The following RIMS4 variants were observed in gnomAD, a reference collection of about 807,000 sequenced individuals.
RIMS4 encodes regulating synaptic membrane exocytosis protein 4.
In RIMS4, 9 loss-of-function variants were observed where a neutral mutation model predicts 29.0. That is an observed-to-expected ratio of 0.31 (90% CI 0.19 to 0.54). The LOEUF (loss-of-function observed/expected upper bound fraction) is 0.54. RIMS4 is among the 20% of genes least tolerant of loss of function. The pLI is 0.94. For missense variants in RIMS4, 193 were observed against 365.7 expected (o/e 0.53, Z 3.85); for synonymous variants, 130 against 152.9 (o/e 0.85, Z 1.10).
intron 1 of RIMS4, among the ~76,000 whole-genome samples, chr20:44,778,281 G>A (rs190640273): frequency 1.6e-4 from 24 of 152,314 alleles, no homozygotes; most frequent in Non-Finnish European, 2.9e-4. Flanking sequence ...ATAAGAGATG[G>A]TTTCATCTGG....
intron 1 of RIMS4, among the ~76,000 whole-genome samples, chr20:44,796,411 T>TAGAGTGGGGAGGAAGGAGAGGAG (rs2066255397): frequency 2.7e-5 from 4 of 150,534 alleles, no homozygotes; most frequent in Admixed American, 6.6e-5. Flanking sequence ...AAGAAGGAAA[T>TAGAGTGGGGAGGAAGGAGAGGAG]AGAGTGGGGA....
chr20:44,774,957 T>C (rs1017579596), intron 1 of RIMS4, among the ~76,000 whole-genome samples: 13 of 152,104 alleles, frequency 8.5e-5, no homozygotes, highest in African/African-American at 2.2e-4. Flanking sequence ...ACACCCTCTC[T>C]GATCTCTCAG....
intron 1 of RIMS4, among the ~76,000 whole-genome samples, chr20:44,773,252 T>C (rs1004996415): frequency 1.3e-5 from 2 of 152,124 alleles, no homozygotes; most frequent in African/African-American, 4.8e-5. Flanking sequence ...TGTGCCCCTA[T>C]ATCTGTGTTT....
At chr20:44,777,742 GA>G (rs1334214084) in intron 1 of RIMS4, among the ~76,000 whole-genome samples, 1 of 152,190 alleles carries the variant, frequency 6.6e-6, no homozygotes, top group African/African-American at 2.4e-5. Context: ...ACTTCCAGAT[GA>G]AAAGCCTCAA....
chr20:44,794,106 T>C (rs1028151060), intron 1 of RIMS4, among the ~76,000 whole-genome samples: 1 of 152,186 alleles, frequency 6.6e-6, no homozygotes, highest in Non-Finnish European at 1.5e-5. Context: ...TACCCAATTC[T>C]ACCGCCAGCC....
At chr20:44,767,175 G>A (rs760856040) in intron 2 of RIMS4, among the ~76,000 whole-genome samples, 15 of 152,174 alleles carry the variant, frequency 9.9e-5, no homozygotes, top group Non-Finnish European at 1.8e-4. Flanking sequence ...TTGAACCCAT[G>A]TCTCAGGTCT....
At chr20:44,802,229 T>G (rs1321753161) in intron 1 of RIMS4, among the ~76,000 whole-genome samples, 2 of 152,228 alleles carry the variant, frequency 1.3e-5, no homozygotes, top group Non-Finnish European at 2.9e-5. Flanking sequence ...TCTCATCCAT[T>G]AATCCTCATA....
chr20:44,790,735 CAGGTCACCAGGTTGG>C (rs2066229273), intron 1 of RIMS4, among the ~76,000 whole-genome samples: 1 of 152,128 alleles, frequency 6.6e-6, no homozygotes, highest in Non-Finnish European at 1.5e-5. Flanking sequence ...GGAAGTAATC[CAGGTCACCAGGTTGG>C]AAGGAGACAG....
At chr20:44,799,173 C>T (rs1463504621) in intron 1 of RIMS4, among the ~76,000 whole-genome samples, 4 of 152,010 alleles carry the variant, frequency 2.6e-5, no homozygotes, top group Admixed American at 6.5e-5. Context: ...CATGGTGGCA[C>T]GCGCCTGTAG....
At chr20:44,758,478 C>G (rs2066070589) in intron 2 of RIMS4, among the ~76,000 whole-genome samples, 2 of 152,202 alleles carry the variant, frequency 1.3e-5, no homozygotes, top group South Asian at 4.1e-4. Context: ...CCAGATGATG[C>G]CCTTGCACGT....
intron 1 of RIMS4, among the ~76,000 whole-genome samples, chr20:44,772,607 C>T (rs1010970075): frequency 1.3e-5 from 2 of 152,164 alleles, no homozygotes; most frequent in African/African-American, 4.8e-5. Flanking sequence ...GACACAGCCC[C>T]GGGAGGGTGT....
Position 44,755,824 on chromosome 20 carries a change from G to A in RIMS4, c.*310C>T. 1 of 323,952 alleles carries A rather than the reference G, an allele frequency of 3.1e-6. No individual in the cohort carries two copies. Among genetic ancestry groups the A allele is most frequent in the Non-Finnish European group, 5.8e-6 (1 of 172,740 alleles). The allele number at this position is 323,952 out of a possible 1,614,324, so 20.1% of individuals were successfully genotyped here. ...GGCAAAAAGGGGGAGAAGTTGGACA[G>A]TTTGGGAAGGGAGAGTGGTCTGCTC... On this transcript the variant is annotated 3_prime_UTR_variant, in exon 6 of 6. Coordinates refer to ENST00000372851, the MANE Select transcript of RIMS4 (RefSeq NM_182970.4).
chr20:44,797,162 G>A lies in RIMS4; in HGVS notation c.97+13013C>T, dbSNP rs116121657. Among the ~76,000 whole-genome samples, 539 of 152,296 alleles carry A rather than the reference G, an allele frequency of 3.5e-3. 2 individuals are homozygous for A. The highest frequency in any genetic ancestry group is 0.012 in the African/African-American group (509 of 41,566). ...CTTTCCTGGGTGGGATAACTAAAGC[G>A]CGTGTTCTACCCCAGGAGTCTGCAA... On this transcript the variant is annotated intron_variant, in intron 1 of 5. Coordinates refer to ENST00000372851, the MANE Select transcript of RIMS4 (RefSeq NM_182970.4).
chr20:44,777,168 G>A (rs549842513), intron 1 of RIMS4, among the ~76,000 whole-genome samples: 2 of 152,224 alleles, frequency 1.3e-5, no homozygotes, highest in South Asian at 2.1e-4. Flanking sequence ...GAGCTCATTC[G>A]TCATTTACTT....
At chr20:44,810,078 T>C (rs918279093) in intron 1 of RIMS4, 97 bp downstream of exon 1, 2 of 496,362 alleles carry the variant, frequency 4.0e-6, no homozygotes, top group East Asian at 1.3e-4. Flanking sequence ...TCCCAGGGGA[T>C]TGGGGGTGGG....
intron 1 of RIMS4, among the ~76,000 whole-genome samples, chr20:44,787,040 G>A (rs1447846732): frequency 6.6e-6 from 1 of 152,250 alleles, no homozygotes; most frequent in African/African-American, 2.4e-5. Context: ...TAGAGAGGAT[G>A]CTAGAAGGCA....
In RIMS4 at chr20:44,785,586, T is replaced by C. The variant is rs1490302911; in HGVS notation, c.98-14173A>G. Among the ~76,000 whole-genome samples the C allele has an allele frequency of 3.3e-5, 5 of 152,180 alleles. No homozygotes were observed. In the East Asian group the frequency reaches 9.7e-4, roughly 29 times the overall value. On this transcript the variant is annotated intron_variant, in intron 1 of 5. Transcript: ENST00000372851. The stretch of plus-strand genomic sequence containing the variant: ...GCAGAAAAGAGGATGCAACAGGGGA[T>C]AGAAAAAGAAAAAGCCTTGGCAGGG...
At chr20:44,786,140 C>A (rs1044802938) in intron 1 of RIMS4, among the ~76,000 whole-genome samples, 3 of 152,204 alleles carry the variant, frequency 2.0e-5, no homozygotes, top group African/African-American at 7.2e-5. Context: ...GTAGCAGAAT[C>A]CCTGCTCAGT....
chr20:44,782,332 C>T (rs1033040054), intron 1 of RIMS4, among the ~76,000 whole-genome samples: 8 of 152,148 alleles, frequency 5.3e-5, no homozygotes, highest in African/African-American at 1.9e-4. Flanking sequence ...AGTGGCACAA[C>T]CTTGGCTCAC....
Sources: gnomAD v4.1 joint callset for allele counts (sites outside exome capture counted in the v4.1 genomes callset) on GRCh38, gnomAD v4.1.1 for gene constraint, MANE v1.5 for transcripts, NCBI Gene and HGNC (gene_info 2026-07-23, HGNC 2026-07-21) for gene names.